The following TFEB variants were observed in gnomAD, a reference collection of about 807,000 sequenced individuals.
TFEB encodes the protein transcription factor EB.
A neutral mutation model predicts 48.0 loss-of-function variants in TFEB; 12 were observed. That is an observed-to-expected ratio of 0.25 (90% CI 0.16 to 0.40). The LOEUF (loss-of-function observed/expected upper bound fraction) is 0.40, where lower values mean the gene tolerates loss of function less well. TFEB is among the 10% of genes least tolerant of loss of function. TFEB has a pLI of 1.00. For missense variants in TFEB, 509 were observed against 640.3 expected, an observed-to-expected ratio of 0.79 and a Z score of 2.21; for synonymous variants, 244 against 261.4, an observed-to-expected ratio of 0.93 and a Z score of 0.64.
At chr6:41,686,596 A>C in intron 7 of TFEB, 1 of 219,192 alleles carries the variant, frequency 4.6e-6, no homozygotes, top group Non-Finnish European at 8.7e-6. Context: ...GCTCACTGCT[A>C]CCTCCACCTC....
chr6:41,719,517 A>G (rs1227816902), intron 1 of TFEB, among the ~76,000 whole-genome samples: 1 of 152,132 alleles, frequency 6.6e-6, no homozygotes, highest in Non-Finnish European at 1.5e-5. Context: ...CCCTATTGAG[A>G]GGAGCAAGGA....
chr6:41,716,938 A>T (rs998145677), intron 1 of TFEB, among the ~76,000 whole-genome samples: 2 of 151,986 alleles, frequency 1.3e-5, no homozygotes, highest in South Asian at 2.1e-4. Context: ...AGGCATCGGC[A>T]TGCCCGCGTG....
chr6:41,699,816 GC>G (rs1171186001), intron 1 of TFEB, among the ~76,000 whole-genome samples: 29 of 152,350 alleles, frequency 1.9e-4, no homozygotes, highest in African/African-American at 7.0e-4. Context: ...AATGGGACAC[GC>G]ACATGCTTTT....
intron 1 of TFEB, among the ~76,000 whole-genome samples, chr6:41,699,485 ATTAC>A (rs1769781716): frequency 6.6e-6 from 1 of 152,176 alleles, no homozygotes. Context: ...AGCTTTTCCT[ATTAC>A]CAGGAGCCCT....
chr6:41,687,086 C>T lies in TFEB; in HGVS notation c.803+8G>A, dbSNP rs1769048322. On this transcript the variant is annotated splice_region_variant and intron_variant, in intron 7 of 8. Transcript: ENST00000373033. ...ACCCATCACCCTCCCCCTCAGAAAC[C>T]TGCTCACAGGTCATTGGCCTTGGGG... 3.1e-6 allele frequency: 5 copies of T among 1,614,154 alleles called. No individual in the cohort carries two copies. The highest frequency in any genetic ancestry group is 1.3e-5 in the African/African-American group (1 of 75,064).
chr6:41,723,477 C>G lies in TFEB; in HGVS notation c.-23+11873G>C. On this transcript the variant is annotated intron_variant, in intron 1 of 8. Transcript: ENST00000373033. This position sits in a 1 kb window ranked among gnomAD's most constrained non-coding sequence, Gnocchi z 6.0. ...CTCTCATACCTTCGAGAGGGCAGCC[C>G]CCTGGAAGGAGGCCCCTGGAATGCT... 3.1e-6 allele frequency: 4 copies of G among 1,289,360 alleles called. No homozygotes were observed. The highest frequency in any genetic ancestry group is 3.0e-6 in the Non-Finnish European group (3 of 988,586). The allele number at this position is 1,289,360 out of a possible 1,614,324, so 79.9% of individuals were successfully genotyped here.
At chr6:41,707,757 G>T (rs1285180426) in intron 1 of TFEB, among the ~76,000 whole-genome samples, 1 of 152,200 alleles carries the variant, frequency 6.6e-6, no homozygotes, top group Admixed American at 6.5e-5. Context: ...GCCACCGCAC[G>T]AAATTACTCC....
Position 41,684,924 on chromosome 6 carries a change from G to C in TFEB, c.1106C>G (p.Pro369Arg). The C allele has an allele frequency of 6.3e-7, 1 of 1,584,572 alleles. No homozygotes were observed. The highest frequency in any genetic ancestry group is 2.3e-5 in the East Asian group (1 of 43,864). ...CGGGGGCAGAGCTGGCAGTGGCTCA[G>C]GGTCAGGGACCTCAGCCCCCAGCAT... ...ALMLGAEVPDPEPLPALPPQA... is the reference protein window; with the variant it reads ...ALMLGAEVPDREPLPALPPQA... Residue 369 changes from proline (P) to arginine (R), a missense_variant, in exon 9 of 9, where the codon CCT becomes CGT. This residue lies in a region of TFEB where 168 missense variants were observed against 161.0 expected (regional missense o/e 1.04). Coordinates refer to ENST00000373033, the MANE Select transcript of TFEB (RefSeq NM_001271944.2).
intron 1 of TFEB, among the ~76,000 whole-genome samples, chr6:41,732,050 T>C (rs1449013423): frequency 6.6e-6 from 1 of 152,160 alleles, no homozygotes. Flanking sequence ...ATTTTTTTCA[T>C]ACAAATTCTT....
intron 8 of TFEB, 70 bp from the exon 9 acceptor site, chr6:41,685,148 G>C: frequency 1.5e-6 from 2 of 1,379,232 alleles, no homozygotes; most frequent in Non-Finnish European, 1.9e-6. Context: ...CCTCCCCTGG[G>C]CCTCTATCAC....
At chr6:41,732,810 C>G (rs905824025) in intron 1 of TFEB, 2 of 985,824 alleles carry the variant, frequency 2.0e-6, no homozygotes, top group Non-Finnish European at 2.4e-6. Flanking sequence ...ACCCTGAACT[C>G]CCACCCTCCG....
chr6:41,688,033 G>A lies in TFEB; in HGVS notation c.550-5C>T. Reference sequence around the variant, plus strand: ...GTGGCTGCTGGACAGGGGTAGCTGTGGGGTAGGGGGTGAGGGAGACCCATG... The same window carrying A: ...GTGGCTGCTGGACAGGGGTAGCTGTAGGGTAGGGGGTGAGGGAGACCCATG... On this transcript the variant is annotated splice_polypyrimidine_tract_variant and splice_region_variant and intron_variant, in intron 4 of 8. Transcript: ENST00000373033. The A allele has an allele frequency of 6.2e-7, 1 of 1,607,338 alleles. No homozygotes were observed.
At chr6:41,685,736 C>G (rs887471849) in intron 8 of TFEB, among the ~76,000 whole-genome samples, 3 of 152,198 alleles carry the variant, frequency 2.0e-5, no homozygotes, top group African/African-American at 7.2e-5. Flanking sequence ...GGTTAGAGTA[C>G]TTGTAGAGTG....
Position 41,720,374 on chromosome 6 carries a change from G to A in TFEB, c.-23+14976C>T, listed in dbSNP as rs960557296. The A allele has an allele frequency of 2.0e-5, 3 of 152,260 alleles. No homozygotes were observed. Among genetic ancestry groups the A allele is most frequent in the African/African-American group, 7.2e-5 (3 of 41,428 alleles). The allele number at this position is 152,260 out of a possible 1,614,324, so 9.4% of individuals were successfully genotyped here. On this transcript the variant is annotated intron_variant, in intron 1 of 8. Transcript: ENST00000373033. The surrounding 1 kb of genome is among the most constrained non-coding windows in gnomAD (Gnocchi z 4.1). The stretch of plus-strand genomic sequence containing the variant: ...TCCTCCCACTGCCCTAGGTCACAGG[G>A]TAGGGAGGCCAGGGGCTCTCCAGAC...
intron 7 of TFEB, 165 bp from the exon 8 acceptor site, chr6:41,686,402 C>G (rs373015179): frequency 3.9e-6 from 3 of 772,408 alleles, no homozygotes; most frequent in African/African-American, 1.7e-5. Flanking sequence ...AATGGGCCCT[C>G]CTGGTGACTT....
At chr6:41,702,343 G>A (rs1769978576) in intron 1 of TFEB, among the ~76,000 whole-genome samples, 1 of 152,180 alleles carries the variant, frequency 6.6e-6, no homozygotes, top group South Asian at 2.1e-4. Flanking sequence ...CGGAGGGGGC[G>A]GAAGGGGAGG....
At position 41,684,199 on chromosome 6, in the gene TFEB, C is replaced by T; in HGVS notation, c.*400G>A. On this transcript the variant is annotated 3_prime_UTR_variant, in exon 9 of 9. Coordinates refer to ENST00000373033, the MANE Select transcript of TFEB (RefSeq NM_001271944.2). ...TCCCAAAAAGGCAGGCCTGAGCACC[C>T]CCAGGACCAGTTGCCTCAGATGAGG... The T allele has an allele frequency of 4.2e-6, 1 of 239,252 alleles. No homozygotes were observed. Among genetic ancestry groups the T allele is most frequent in the Non-Finnish European group, 8.2e-6 (1 of 122,312 alleles). The allele number at this position is 239,252 out of a possible 1,614,324, so 14.8% of individuals were successfully genotyped here. A position where few individuals can be genotyped will look rare whatever the true frequency, so the allele number is the denominator to read the frequency against.
chr6:41,728,510 A>AGT (rs1771307421), intron 1 of TFEB, among the ~76,000 whole-genome samples: 1 of 152,160 alleles, frequency 6.6e-6, no homozygotes, highest in Admixed American at 6.5e-5. Flanking sequence ...TGGACAGTAT[A>AGT]GTGTGTCACC....
intron 6 of TFEB, 47 bp from the exon 7 acceptor site, chr6:41,687,216 C>T (rs1490193789): frequency 1.3e-6 from 2 of 1,596,738 alleles, no homozygotes; most frequent in Non-Finnish European, 1.7e-6. Context: ...GATGGGGACC[C>T]CCCACCCCAT....
Sources: gnomAD v4.1 joint callset for allele counts (sites outside exome capture counted in the v4.1 genomes callset) on GRCh38, gnomAD v4.1.1 for gene constraint, gnomAD v4.1.1 regional missense constraint, Gnocchi (gnomAD v3.1) non-coding constraint, MANE v1.5 for transcripts, NCBI Gene and HGNC (gene_info 2026-07-23, HGNC 2026-07-21) for gene names.